Variants in XKR9 observed in about 807,000 individuals in gnomAD.
The protein encoded by XKR9 is XK related 9, also known as XK-related protein 9.
A neutral mutation model predicts 32.0 loss-of-function variants in XKR9; 32 were observed. The ratio of observed to expected loss-of-function variants is 1.00; its 90% CI spans 0.76 to 1.34. The LOEUF (loss-of-function observed/expected upper bound fraction) is 1.34, where lower values mean the gene tolerates loss of function less well. Among genes scored for constraint, XKR9 ranks in the 40% most tolerant of loss-of-function variants. XKR9 has a pLI of 0.00. For synonymous variants in XKR9, 168 were observed against 143.4 expected (o/e 1.17, Z -1.22); for missense variants, 546 against 429.7 (o/e 1.27, Z -2.39).
At chr8:70,687,324 TTCTTTCTTTCTTTCTTTC>T (rs1276926114) in intron 3 of XKR9, among the ~76,000 whole-genome samples, 1 of 101,088 alleles carries the variant, frequency 9.9e-6, no homozygotes, top group African/African-American at 4.3e-5. Flanking sequence ...CTTTCTTTCT[TTCTTTCTTTCTTTCTTTC>T]TTTCTTTCTT....
chr8:70,718,528 G>T (rs1017892456), intron 4 of XKR9, among the ~76,000 whole-genome samples: 1 of 152,014 alleles, frequency 6.6e-6, no homozygotes, highest in Non-Finnish European at 1.5e-5. Context: ...GTGTCCATGT[G>T]TTCTCTTTGT....
chr8:70,867,858 A>G, the XKR9 span, among the ~76,000 whole-genome samples: 2 of 152,344 alleles, frequency 1.3e-5, no homozygotes, highest in Non-Finnish European at 2.9e-5. Flanking sequence ...TCTAAAATCA[A>G]GAGCAGGTTA....
At chr8:70,696,328 A>G (rs1320045609) in intron 3 of XKR9, among the ~76,000 whole-genome samples, 3 of 152,214 alleles carry the variant, frequency 2.0e-5, no homozygotes, top group Non-Finnish European at 2.9e-5. Context: ...CTAACATGTA[A>G]GTCTTTAATC....
chr8:70,910,568 A>G, the XKR9 span, among the ~76,000 whole-genome samples: 1 of 152,252 alleles, frequency 6.6e-6, no homozygotes, highest in African/African-American at 2.4e-5. Context: ...AATGTGAACT[A>G]CTTTGTTCAA....
chr8:70,813,445 T>A, the XKR9 span, among the ~76,000 whole-genome samples: 1 of 152,124 alleles, frequency 6.6e-6, no homozygotes, highest in Non-Finnish European at 1.5e-5. Context: ...ACAAACATGA[T>A]GCAATTAAAC....
At chr8:70,809,745 A>T in the XKR9 span, among the ~76,000 whole-genome samples, 4 of 152,238 alleles carry the variant, frequency 2.6e-5, no homozygotes, top group African/African-American at 4.8e-5. Flanking sequence ...ATTTAGAGAA[A>T]AAAGAATAAA....
At chr8:70,886,464 C>T in the XKR9 span, among the ~76,000 whole-genome samples, 2 of 152,208 alleles carry the variant, frequency 1.3e-5, no homozygotes, top group Non-Finnish European at 2.9e-5. Context: ...GGAATCACCA[C>T]ATGGTTTTCC....
At chr8:70,968,278 A>G in the XKR9 span, among the ~76,000 whole-genome samples, 2 of 152,086 alleles carry the variant, frequency 1.3e-5, no homozygotes, top group Admixed American at 6.5e-5. Flanking sequence ...TGTGTTTTTT[A>G]GCTCCATCAG....
chr8:70,909,384 T>C, the XKR9 span, among the ~76,000 whole-genome samples: 1 of 152,194 alleles, frequency 6.6e-6, no homozygotes, highest in Admixed American at 6.5e-5. Flanking sequence ...TCCTTCAAAA[T>C]GCAGCAATAT....
chr8:70,961,394 T>C, the XKR9 span, among the ~76,000 whole-genome samples: 1 of 152,278 alleles, frequency 6.6e-6, no homozygotes, highest in Middle Eastern at 3.4e-3. Flanking sequence ...CTGGGGTGAC[T>C]TGAAATCCAA....
the XKR9 span, among the ~76,000 whole-genome samples, chr8:70,982,842 C>A: frequency 6.6e-6 from 1 of 152,192 alleles, no homozygotes; most frequent in Non-Finnish European, 1.5e-5. Context: ...TAATCTGAAT[C>A]ATCTCTCTAT....
chr8:70,794,193 A>C (rs538013290), downstream of XKR9, among the ~76,000 whole-genome samples: 1 of 152,172 alleles, frequency 6.6e-6, no homozygotes, highest in African/African-American at 2.4e-5. Context: ...TTATTTTTGC[A>C]TACTGGCCTT....
chr8:70,879,035 C>A, the XKR9 span, among the ~76,000 whole-genome samples: 4 of 152,272 alleles, frequency 2.6e-5, no homozygotes, highest in East Asian at 7.7e-4. Context: ...GGAAACTGAA[C>A]AACTTGCTCC....
the XKR9 span, among the ~76,000 whole-genome samples, chr8:70,898,584 G>A: frequency 6.6e-6 from 1 of 151,968 alleles, no homozygotes; most frequent in South Asian, 2.1e-4. Context: ...TTGACCTATG[G>A]CTTATTTAGA....
At chr8:70,999,224 A>C in the XKR9 span, among the ~76,000 whole-genome samples, 1 of 152,160 alleles carries the variant, frequency 6.6e-6, no homozygotes, top group African/African-American at 2.4e-5. Flanking sequence ...TATTTTAAAG[A>C]TTTCTCCAAA....
chr8:71,025,188 A>G, the XKR9 span, among the ~76,000 whole-genome samples: 1 of 152,230 alleles, frequency 6.6e-6, no homozygotes, highest in Non-Finnish European at 1.5e-5. Context: ...GAGCTCTTTT[A>G]TTAACCACTG....
intron 3 of XKR9, among the ~76,000 whole-genome samples, chr8:70,695,702 A>G (rs915906050): frequency 8.6e-5 from 13 of 151,788 alleles, no homozygotes; most frequent in South Asian, 4.2e-4. Context: ...CAGTAATGGG[A>G]TGGCTGGGTC....
At chr8:71,060,456 T>C in the XKR9 span, among the ~76,000 whole-genome samples, 57 of 152,296 alleles carry the variant, frequency 3.7e-4, no homozygotes, top group African/African-American at 1.4e-3. Context: ...CCTGAAATTG[T>C]CCCCTTGGAA....
chr8:70,742,478 T>C (rs1428986531), intron 2 of XKR9, among the ~76,000 whole-genome samples: 2 of 152,266 alleles, frequency 1.3e-5, no homozygotes, highest in African/African-American at 4.8e-5. Context: ...AATCATAAAG[T>C]GAAAGTGTTC....
Sources: allele counts gnomAD v4.1 joint callset (sites outside exome capture counted in the v4.1 genomes callset), GRCh38; gene constraint gnomAD v4.1.1; transcripts MANE v1.5; gene names NCBI Gene and HGNC (gene_info 2026-07-23, HGNC 2026-07-21).